The following AFF3 variants were observed in gnomAD, a reference collection of about 807,000 sequenced individuals.
AFF3 encodes the protein AF4/FMR2 family member 3.
A neutral mutation model predicts 129.7 loss-of-function variants in AFF3; 32 were observed. The ratio of observed to expected loss-of-function variants is 0.25; its 90% CI spans 0.19 to 0.33. The LOEUF is 0.33. AFF3 is among the 10% of genes least tolerant of loss of function. The pLI is 1.00. For missense variants in AFF3, 1,373 were observed against 1,592.0 expected (o/e 0.86, Z 2.34); for synonymous variants, 644 against 635.4 (o/e 1.01, Z -0.20).
chr2:100,057,337 A>C (rs906825043), intron 4 of AFF3, among the ~76,000 whole-genome samples: 1 of 151,098 alleles, frequency 6.6e-6, no homozygotes, highest in African/African-American at 2.4e-5. Context: ...AAAAAAAAAA[A>C]AAAAAAACTC....
At chr2:99,614,918 A>G (rs898540085) in intron 13 of AFF3, among the ~76,000 whole-genome samples, 2 of 152,252 alleles carry the variant, frequency 1.3e-5, no homozygotes, top group African/African-American at 4.8e-5. Context: ...CACCAAAGAT[A>G]AAGGCATTTC....
chr2:99,577,856 TGA>T, intron 18 of AFF3, among the ~76,000 whole-genome samples: 1 of 152,330 alleles, frequency 6.6e-6, no homozygotes, highest in East Asian at 1.9e-4. Context: ...GGGTGAAGGA[TGA>T]TGGCATTTTT....
At chr2:99,585,702 G>A (rs992635551) in intron 16 of AFF3, among the ~76,000 whole-genome samples, 31 of 152,228 alleles carry the variant, frequency 2.0e-4, no homozygotes, top group South Asian at 6.2e-4. Context: ...CCGTGTCACC[G>A]GTATAAATCA....
chr2:99,782,257 T>C (rs1255769716), intron 8 of AFF3, among the ~76,000 whole-genome samples: 1 of 152,202 alleles, frequency 6.6e-6, no homozygotes, highest in East Asian at 1.9e-4. Context: ...CAAAAGCCCT[T>C]TGGCCCAAAC....
intron 8 of AFF3, among the ~76,000 whole-genome samples, chr2:99,810,172 C>G (rs1686677417): frequency 6.6e-6 from 1 of 152,192 alleles, no homozygotes. Context: ...ACTGGTACCT[C>G]ACAGCCTAAC....
intron 7 of AFF3, among the ~76,000 whole-genome samples, chr2:99,915,036 G>A (rs1019842851): frequency 6.6e-6 from 1 of 152,136 alleles, no homozygotes; most frequent in Non-Finnish European, 1.5e-5. Context: ...ATCAGGCAGG[G>A]TAGGGCAGGG....
intron 10 of AFF3, among the ~76,000 whole-genome samples, chr2:99,740,668 T>C (rs1407214285): frequency 6.6e-6 from 1 of 152,122 alleles, no homozygotes; most frequent in Non-Finnish European, 1.5e-5. Flanking sequence ...TTGTTTGTTT[T>C]TTTTCTTGTA....
intron 7 of AFF3, among the ~76,000 whole-genome samples, chr2:99,873,558 C>T (rs1331723502): frequency 6.6e-6 from 1 of 152,116 alleles, no homozygotes; most frequent in Non-Finnish European, 1.5e-5. Context: ...AGAGGATTCG[C>T]AGTACATGTC....
chr2:99,660,572 T>C (rs556207878), intron 12 of AFF3, among the ~76,000 whole-genome samples: 1 of 152,380 alleles, frequency 6.6e-6, no homozygotes, highest in African/African-American at 2.4e-5. Flanking sequence ...TGCTTTCGCA[T>C]GTAATGTATA....
rs376812203 is a variant in AFF3 at position 99,719,930 on chromosome 2, A to G, written c.1091+7147T>C. Among the ~76,000 whole-genome samples the G allele has an allele frequency of 2.2e-4, 33 of 152,240 alleles. 1 individual carries two copies. Among genetic ancestry groups the G allele is most frequent in the South Asian group, 1.9e-3 (9 of 4,814 alleles). ...CGGGCGCCTGTAGTCCCAGCTACTCAGGAGGCTGAGGCAGGAGAATGGCGT... is the reference window on the plus strand; with the variant it reads ...CGGGCGCCTGTAGTCCCAGCTACTCGGGAGGCTGAGGCAGGAGAATGGCGT... On this transcript the variant is annotated intron_variant, in intron 11 of 24. Coordinates refer to ENST00000672756, the MANE Select transcript of AFF3 (RefSeq NM_001386135.1).
intron 7 of AFF3, among the ~76,000 whole-genome samples, chr2:99,874,230 C>G (rs756446157): frequency 1.3e-5 from 2 of 152,156 alleles, no homozygotes; most frequent in Admixed American, 6.5e-5. Context: ...GGCCTGAGAA[C>G]ATTACCTAGC....
rs936127857 is a variant in AFF3 at position 99,546,609 on chromosome 2, G to C, written c.*4865C>G. The C allele has an allele frequency of 4.3e-6, 1 of 232,434 alleles. No homozygotes were observed. The highest frequency in any genetic ancestry group is 2.2e-5 in the African/African-American group (1 of 45,284). The allele number at this position is 232,434 out of a possible 1,614,324, so 14.4% of individuals were successfully genotyped here. On this transcript the variant is annotated 3_prime_UTR_variant, in exon 25 of 25. Coordinates refer to ENST00000672756, the MANE Select transcript of AFF3 (RefSeq NM_001386135.1). ...AGTTTGGGGAGGAGGATAAGGAAAAGGGTTGGAGATAAGACTAAAAATGAA... is the reference window on the plus strand; with the variant it reads ...AGTTTGGGGAGGAGGATAAGGAAAACGGTTGGAGATAAGACTAAAAATGAA...
intron 10 of AFF3, among the ~76,000 whole-genome samples, chr2:99,742,470 T>G (rs1404177): frequency 2.0e-5 from 3 of 152,082 alleles, no homozygotes; most frequent in Non-Finnish European, 4.4e-5. Flanking sequence ...CATCATGTCT[T>G]GTAGAAGAAG....
Position 99,780,103 on chromosome 2 carries a change from G to C in AFF3, c.922-27802C>G, listed in dbSNP as rs1287459843. Among the ~76,000 whole-genome samples, 7 of 152,242 alleles carry C rather than the reference G, an allele frequency of 4.6e-5. No homozygotes were observed. In the South Asian group the frequency reaches 1.4e-3, roughly 32 times the overall value. The stretch of plus-strand genomic sequence containing the variant: ...GTTCTGATCACTGTAGGAGGAGCAG[G>C]ACTTATCTCCCATCTCCAAACACTC... On this transcript the variant is annotated intron_variant, in intron 8 of 24. Coordinates refer to ENST00000672756, the MANE Select transcript of AFF3 (RefSeq NM_001386135.1).
chr2:99,729,042 T>G (rs1266503527), intron 10 of AFF3, among the ~76,000 whole-genome samples: 1 of 152,162 alleles, frequency 6.6e-6, no homozygotes, highest in Non-Finnish European at 1.5e-5. Flanking sequence ...GGAAGTATAT[T>G]TTTTTTCTCA....
chr2:100,034,504 A>G (rs755624567), intron 4 of AFF3, among the ~76,000 whole-genome samples: 15 of 152,242 alleles, frequency 9.9e-5, no homozygotes, highest in Non-Finnish European at 1.8e-4. Flanking sequence ...CTTCCAACAC[A>G]ATGGAAGTCC....
intron 8 of AFF3, among the ~76,000 whole-genome samples, chr2:99,818,460 C>T: frequency 6.6e-6 from 1 of 152,148 alleles, no homozygotes; most frequent in East Asian, 1.9e-4. Context: ...CAATCAATTT[C>T]CCCTCCTGTG....
intron 12 of AFF3, among the ~76,000 whole-genome samples, chr2:99,666,827 A>G (rs1377110549): frequency 6.6e-6 from 1 of 152,188 alleles, no homozygotes; most frequent in Non-Finnish European, 1.5e-5. Context: ...TTACATAATG[A>G]TAGAAGGGTC....
At chr2:99,783,759 T>C (rs963804180) in intron 8 of AFF3, among the ~76,000 whole-genome samples, 1 of 152,230 alleles carries the variant, frequency 6.6e-6, no homozygotes, top group African/African-American at 2.4e-5. Flanking sequence ...CAGGAGACCA[T>C]ACTGAAGGTA....
Sources: allele counts gnomAD v4.1 joint callset (sites outside exome capture counted in the v4.1 genomes callset), GRCh38; gene constraint gnomAD v4.1.1; transcripts MANE v1.5; gene names NCBI Gene and HGNC (gene_info 2026-07-23, HGNC 2026-07-21).